Variants in FANCM observed in about 807,000 individuals in gnomAD.
FANCM encodes FA complementation group M.
A neutral mutation model predicts 199.5 loss-of-function variants in FANCM; 140 were observed. The observed-to-expected ratio is 0.70, with a 90% CI of 0.61 to 0.81. FANCM has a LOEUF of 0.81. Ranked by LOEUF, FANCM falls within the 30% of genes least tolerant of loss-of-function variation. FANCM has a pLI of 0.00. For synonymous variants in FANCM, 840 were observed against 836.8 expected (o/e 1.00, Z -0.07); for missense variants, 2,410 against 2,421.4 (o/e 1.00, Z 0.10).
At chr14:45,160,872 C>A (rs944702353) in intron 9 of FANCM, among the ~76,000 whole-genome samples, 1 of 152,134 alleles carries the variant, frequency 6.6e-6, no homozygotes, top group African/African-American at 2.4e-5. Context: ...GCCCTCACTA[C>A]ACCGAGAAGC....
chr14:45,199,780 G>C, intron 22 of FANCM, 90 bp from the exon 23 acceptor site: 1 of 1,123,796 alleles, frequency 8.9e-7, no homozygotes, highest in South Asian at 1.2e-5. Context: ...TTTCCTTAAA[G>C]GCTACTGTGT....
intron 20 of FANCM, 22 bp from the exon 21 acceptor site, chr14:45,196,150 C>A (rs1006647868): frequency 6.2e-7 from 1 of 1,613,724 alleles, no homozygotes; most frequent in Non-Finnish European, 8.5e-7. Flanking sequence ...CTGAATGTGA[C>A]CAGTGTTTTC....
Position 45,136,052 on chromosome 14 carries a change from G to A in FANCM, c.21G>A (p.Thr7=), listed in dbSNP as rs1885463136. The A allele has an allele frequency of 1.2e-6, 2 of 1,613,636 alleles. No individual in the cohort carries two copies. The highest frequency in any genetic ancestry group is 2.2e-5 in the East Asian group (1 of 44,886). ...GCCTAATGAGCGGACGGCAAAGAAC[G>A]CTTTTTCAGACGTGGGGCTCAAGTA... The part of the protein sequence containing the change: MSGRQR[T]LFQTWGSSIS... The change falls in exon 1 of 23, where the codon ACG becomes ACA. Residue 7 remains threonine (T), a synonymous_variant. Coordinates refer to ENST00000267430, the MANE Select transcript of FANCM (RefSeq NM_020937.4).
At chr14:45,189,797 C>T (rs1254729996) in intron 20 of FANCM, among the ~76,000 whole-genome samples, 6 of 151,966 alleles carry the variant, frequency 3.9e-5, no homozygotes, top group South Asian at 2.1e-4. Context: ...GATGAAATCC[C>T]GTCTCTACTA....
At chr14:45,147,259 C>T (rs1487620156) in intron 3 of FANCM, among the ~76,000 whole-genome samples, 1 of 150,538 alleles carries the variant, frequency 6.6e-6, no homozygotes, top group Non-Finnish European at 1.5e-5. Context: ...CTGTTCCCCG[C>T]CCCCCCCAAA....
At chr14:45,164,194 C>G (rs955352867) in intron 9 of FANCM, among the ~76,000 whole-genome samples, 165 bp from the exon 10 acceptor site, 2 of 152,184 alleles carry the variant, frequency 1.3e-5, no homozygotes, top group Non-Finnish European at 1.5e-5. Flanking sequence ...ATCTTTCTGC[C>G]TTGTCCTCCC....
intron 14 of FANCM, among the ~76,000 whole-genome samples, chr14:45,180,457 T>C (rs1315546161): frequency 6.6e-6 from 1 of 151,906 alleles, no homozygotes; most frequent in East Asian, 1.9e-4. Context: ...TTTTGTTTTT[T>C]CCCCCACCAG....
intron 11 of FANCM, 72 bp from the exon 12 acceptor site, chr14:45,170,517 A>G: frequency 9.1e-7 from 1 of 1,094,858 alleles, no homozygotes; most frequent in Non-Finnish European, 1.4e-6. Context: ...CAGAGTTTGA[A>G]TGGATATTGT....
In FANCM at chr14:45,182,505, G is replaced by C. The variant is rs151334931; in HGVS notation, c.4386+800G>C. On this transcript the variant is annotated intron_variant, in intron 16 of 22. Transcript: ENST00000267430. ...ATTTAGGCTAAACAAGAAAGAGATG[G>C]TAAGTGTTGAACAGGTTTGAGTTTG... Among the ~76,000 whole-genome samples the C allele has an allele frequency of 1.2e-4, 19 of 152,274 alleles. No individual in the cohort carries two copies. In the Middle Eastern group the frequency reaches 0.01, roughly 82 times the overall value.
Position 45,188,995 on chromosome 14 carries a change from C to T in FANCM, c.4973C>T (p.Ala1658Val), listed in dbSNP as rs2139296053. 1 of 1,613,820 alleles carries T rather than the reference C, an allele frequency of 6.2e-7. No homozygotes were observed. Among genetic ancestry groups the T allele is most frequent in the East Asian group, 2.2e-5 (1 of 44,858 alleles). ...AAAGAAATGATGGAACAAAATTGTG[C>T]ACATTCAAAAAAGAAATTATCCAGA... is the stretch of plus-strand genomic sequence containing the variant. ...MLKEMMEQNC[A>V]HSKKKLSRII... The change falls in exon 20 of 23, where the codon GCA (alanine) becomes GTA (valine). Residue 1658 changes from alanine to valine, a missense_variant. Coordinates refer to ENST00000267430, the MANE Select transcript of FANCM (RefSeq NM_020937.4).
At chr14:45,195,619 C>CA (rs1484653629) in intron 20 of FANCM, 5 of 452,034 alleles carry the variant, frequency 1.1e-5, no homozygotes, top group Non-Finnish European at 2.2e-5. Flanking sequence ...CCAAAATTCT[C>CA]ACTTCCATGT....
intron 18 of FANCM, among the ~76,000 whole-genome samples, chr14:45,185,973 A>G (rs1197894317): frequency 1.3e-5 from 2 of 152,146 alleles, no homozygotes; most frequent in Non-Finnish European, 2.9e-5. Context: ...GTCATAGTTC[A>G]CTGCAGCCTT....
chr14:45,146,832 C>CAA (rs762253487), intron 3 of FANCM, among the ~76,000 whole-genome samples: 597 of 42,102 alleles, frequency 0.014, 18 homozygotes, highest in Non-Finnish European at 0.02. Flanking sequence ...GACTCTGTCT[C>CAA]AAAAAAAAAA....
chr14:45,199,808 A>G (rs929829496), intron 22 of FANCM, 62 bp from the exon 23 acceptor site: 4 of 1,418,262 alleles, frequency 2.8e-6, no homozygotes, highest in Non-Finnish European at 4.0e-6. Flanking sequence ...TCTTTAGGTA[A>G]TATTAAATTT....
In FANCM at chr14:45,164,406, C is replaced by T. The variant is rs746525993; in HGVS notation, c.1629C>T (p.Thr543=). 1 of 1,613,336 alleles carries T rather than the reference C, an allele frequency of 6.2e-7. No homozygotes were observed. Among genetic ancestry groups the T allele is most frequent in the Non-Finnish European group, 8.5e-7 (1 of 1,179,952 alleles). Reference sequence around the variant, plus strand: ...GTGGTTACAACACGCTGGTTTCTACCTGTGTGGGTGAAGAAGGTTTGGATA... The same window carrying T: ...GTGGTTACAACACGCTGGTTTCTACTTGTGTGGGTGAAGAAGGTTTGGATA... The part of the protein sequence containing the change: ...RDGGYNTLVS[T]CVGEEGLDIG... Residue 543 remains threonine, a synonymous_variant, in exon 10 of 23, where the codon ACC becomes ACT. Transcript: ENST00000267430.
At chr14:45,168,491 G>A (rs1323082565) in intron 11 of FANCM, among the ~76,000 whole-genome samples, 1 of 151,178 alleles carries the variant, frequency 6.6e-6, no homozygotes, top group Non-Finnish European at 1.5e-5. Context: ...TACTGAGGTC[G>A]ATGGCAAATT....
At chr14:45,147,897 G>C (rs866063793) in intron 3 of FANCM, among the ~76,000 whole-genome samples, 8 of 125,994 alleles carry the variant, frequency 6.3e-5, no homozygotes, top group African/African-American at 9.1e-5. Context: ...GTTCCAAACC[G>C]CCCCCCCCCC....
intron 3 of FANCM, among the ~76,000 whole-genome samples, chr14:45,142,783 C>T (rs979380666): frequency 6.6e-6 from 1 of 152,098 alleles, no homozygotes; most frequent in Non-Finnish European, 1.5e-5. Context: ...CATATCCTAT[C>T]AGGGAATAGA....
At chr14:45,146,189 C>T (rs1886367373) in intron 3 of FANCM, among the ~76,000 whole-genome samples, 1 of 141,638 alleles carries the variant, frequency 7.1e-6, no homozygotes, top group Admixed American at 7.7e-5. Flanking sequence ...TGCAGTGAGC[C>T]GAGATCATGG....
Sources: allele counts gnomAD v4.1 joint callset (sites outside exome capture counted in the v4.1 genomes callset), GRCh38; gene constraint gnomAD v4.1.1; transcripts MANE v1.5; gene names NCBI Gene and HGNC (gene_info 2026-07-23, HGNC 2026-07-21).